NMNAT1: variants seen among roughly 807,000 people sequenced by gnomAD.
The protein encoded by NMNAT1 is nicotinamide/nicotinic acid mononucleotide adenylyltransferase 1.
In NMNAT1, 11 loss-of-function variants were observed where a neutral mutation model predicts 16.7. The ratio of observed to expected loss-of-function variants is 0.66; its 90% CI spans 0.41 to 1.09. NMNAT1 has a LOEUF of 1.09. Ranked by LOEUF, NMNAT1 falls within the 50% of genes least tolerant of loss-of-function variation. NMNAT1 has a pLI of 0.00. For missense variants in NMNAT1, 280 were observed against 332.3 expected, an observed-to-expected ratio of 0.84 and a Z score of 1.22; for synonymous variants, 110 against 119.8, an observed-to-expected ratio of 0.92 and a Z score of 0.53.
chr1:9,955,219 A>G (rs1350000607), intron 1 of NMNAT1, among the ~76,000 whole-genome samples: 2 of 152,070 alleles, frequency 1.3e-5, no homozygotes, highest in African/African-American at 4.8e-5. Flanking sequence ...CCTGGCCAAC[A>G]TGGTGAAACC....
At chr1:9,990,212 A>G (rs986477718), downstream of NMNAT1, among the ~76,000 whole-genome samples, 2 of 152,246 alleles carry the variant, frequency 1.3e-5, no homozygotes, top group African/African-American at 4.8e-5. Context: ...AAGTACAGAC[A>G]TAGGGCAGAA....
intron 2 of NMNAT1, among the ~76,000 whole-genome samples, chr1:9,975,357 C>T (rs1302896882): frequency 6.6e-6 from 1 of 151,998 alleles, no homozygotes; most frequent in East Asian, 1.9e-4. Context: ...CAAAAATTAA[C>T]CAGCATGGTG....
intron 1 of NMNAT1, among the ~76,000 whole-genome samples, chr1:9,969,635 C>T (rs964774485): frequency 2.0e-5 from 3 of 152,088 alleles, no homozygotes; most frequent in African/African-American, 4.8e-5. Flanking sequence ...CCTGTAGTCC[C>T]AGCTACTTGG....
chr1:9,943,300 G>A (rs942138338), upstream of NMNAT1: 2 of 154,086 alleles, frequency 1.3e-5, no homozygotes, highest in Admixed American at 1.3e-4. Context: ...CCCCTGTGCC[G>A]CCTGACCGCC....
chr1:9,951,889 T>C (rs972560467), intron 1 of NMNAT1, among the ~76,000 whole-genome samples: 1 of 152,222 alleles, frequency 6.6e-6, no homozygotes, highest in Admixed American at 6.6e-5. Flanking sequence ...GTGAAATGTT[T>C]TAACTGTGAC....
chr1:9,968,993 T>A (rs1641628566), intron 1 of NMNAT1, among the ~76,000 whole-genome samples: 1 of 149,240 alleles, frequency 6.7e-6, no homozygotes, highest in Non-Finnish European at 1.5e-5. Flanking sequence ...GAAGGTTAAG[T>A]TAGGGTTAGG....
At chr1:9,963,504 G>A (rs1200356474) in intron 1 of NMNAT1, among the ~76,000 whole-genome samples, 1 of 151,934 alleles carries the variant, frequency 6.6e-6, no homozygotes, top group African/African-American at 2.4e-5. Context: ...CCATCTCCCG[G>A]GTTCAAACAA....
At chr1:9,970,689 C>CAA (rs550486839) in intron 1 of NMNAT1, among the ~76,000 whole-genome samples, 1 of 84,366 alleles carries the variant, frequency 1.2e-5, no homozygotes. Flanking sequence ...ACTCCCGTCT[C>CAA]AAAAAAAAAA....
chr1:9,957,668 T>G (rs1478565237), intron 1 of NMNAT1, among the ~76,000 whole-genome samples: 1 of 152,172 alleles, frequency 6.6e-6, no homozygotes, highest in Non-Finnish European at 1.5e-5. Context: ...TGACTTCTAG[T>G]AAGGAAAAAT....
intron 1 of NMNAT1, among the ~76,000 whole-genome samples, chr1:9,949,264 C>G (rs2101637463): frequency 1.3e-5 from 2 of 148,726 alleles, no homozygotes; most frequent in Admixed American, 1.3e-4. Flanking sequence ...AGGACTCTGT[C>G]TCAAAAAAAA....
At chr1:9,955,848 TACTA>T (rs1464147371) in intron 1 of NMNAT1, 2 of 152,156 alleles carry the variant, frequency 1.3e-5, no homozygotes, top group Non-Finnish European at 2.9e-5. Flanking sequence ...AAGATGGTAT[TACTA>T]ACCAGGTTGT....
At chr1:9,953,448 G>GTTT (rs57381616) in intron 1 of NMNAT1, among the ~76,000 whole-genome samples, 5 of 144,630 alleles carry the variant, frequency 3.5e-5, no homozygotes, top group Non-Finnish European at 6.0e-5. Context: ...AGCTAATTTT[G>GTTT]TTTTTTTTTT....
At chr1:9,979,408 C>T (rs1422652038) in intron 3 of NMNAT1, among the ~76,000 whole-genome samples, 3 of 152,020 alleles carry the variant, frequency 2.0e-5, no homozygotes, top group Admixed American at 6.6e-5. Context: ...TTGGTTGCAG[C>T]GAGCTATGAT....
At chr1:9,953,396 C>A (rs1641166358) in intron 1 of NMNAT1, among the ~76,000 whole-genome samples, 2 of 151,614 alleles carry the variant, frequency 1.3e-5, no homozygotes, top group Admixed American at 1.3e-4. Flanking sequence ...CCTGCTCCAG[C>A]CTCCTGAGTA....
At chr1:9,959,060 C>T (rs778293590) in intron 1 of NMNAT1, among the ~76,000 whole-genome samples, 3 of 152,088 alleles carry the variant, frequency 2.0e-5, no homozygotes, top group South Asian at 2.1e-4. Flanking sequence ...ATTACGTGTA[C>T]GTAGTTTCCA....
chr1:9,954,858 G>T (rs1301264840), intron 1 of NMNAT1, among the ~76,000 whole-genome samples: 2 of 150,222 alleles, frequency 1.3e-5, no homozygotes. Context: ...TTGAACCCAG[G>T]AGGCGGAGGT....
At chr1:9,966,978 C>T (rs1641560013) in intron 1 of NMNAT1, among the ~76,000 whole-genome samples, 1 of 152,092 alleles carries the variant, frequency 6.6e-6, no homozygotes, top group South Asian at 2.1e-4. Context: ...AATCCCAACA[C>T]TTTAAAAGGC....
the NMNAT1 span, among the ~76,000 whole-genome samples, chr1:9,993,266 G>A: frequency 1.3e-5 from 2 of 152,082 alleles, no homozygotes; most frequent in African/African-American, 4.8e-5. Flanking sequence ...ATCACCTGAG[G>A]TCAGGAGTTC....
intron 3 of NMNAT1, among the ~76,000 whole-genome samples, chr1:9,976,567 T>C (rs1641818398): frequency 6.6e-6 from 1 of 152,102 alleles, no homozygotes; most frequent in Admixed American, 6.6e-5. Context: ...CCCATACCTT[T>C]GAAGCAGTTC....
Sources: allele counts gnomAD v4.1 joint callset (sites outside exome capture counted in the v4.1 genomes callset), GRCh38; gene constraint gnomAD v4.1.1; transcripts MANE v1.5; gene names NCBI Gene and HGNC (gene_info 2026-07-23, HGNC 2026-07-21).